Variants in FAM81A observed in about 807,000 individuals in gnomAD.
FAM81A encodes protein FAM81A.
A neutral mutation model predicts 46.7 loss-of-function variants in FAM81A; 19 were observed. The observed-to-expected ratio is 0.41, with a 90% CI of 0.28 to 0.60. The LOEUF (loss-of-function observed/expected upper bound fraction) is 0.60, where lower values mean the gene tolerates loss of function less well. Among genes scored for constraint, FAM81A ranks in the 20% least tolerant of loss-of-function variants. The probability of loss-of-function intolerance (pLI) is 0.34; values close to 1 mark genes in which losing one functional copy is unlikely to be tolerated. For synonymous variants in FAM81A, 183 were observed against 152.9 expected, an observed-to-expected ratio of 1.20 and a Z score of -1.45; for missense variants, 377 against 453.5, an observed-to-expected ratio of 0.83 and a Z score of 1.53.
chr15:59,430,721 A>G (rs1231495818), intron 2 of FAM81A, among the ~76,000 whole-genome samples: 3 of 152,196 alleles, frequency 2.0e-5, no homozygotes, highest in Non-Finnish European at 4.4e-5. Flanking sequence ...CCCCAAAATG[A>G]TGCAGGAGAT....
intron 2 of FAM81A, among the ~76,000 whole-genome samples, chr15:59,421,595 T>C (rs1292025580): frequency 6.6e-6 from 1 of 152,230 alleles, no homozygotes; most frequent in Non-Finnish European, 1.5e-5. Flanking sequence ...CGTTGCTGCC[T>C]GGCTATACCT....
At position 59,460,377 on chromosome 15, in the gene FAM81A, T is replaced by C. The variant is rs1488572049; in HGVS notation, c.294+171T>C. 1.5e-5 allele frequency: 13 copies of C among 859,322 alleles called. No individual in the cohort carries two copies. The highest frequency in any genetic ancestry group is 3.8e-5 in the Admixed American group (2 of 52,560). The allele number at this position is 859,322 out of a possible 1,614,324, so 53.2% of individuals were successfully genotyped here. On this transcript the variant is annotated intron_variant, in intron 3 of 8. Coordinates refer to ENST00000288228, the MANE Select transcript of FAM81A (RefSeq NM_152450.3). This position sits in a 1 kb window ranked among gnomAD's most constrained non-coding sequence, Gnocchi z 4.4. ...AAGGAGACAGCTTGCAGAAATATCC[T>C]AATTAAATTTATTCCAGTGTTTGAT...
upstream of FAM81A, chr15:59,438,026 G>A (rs552599753): frequency 2.7e-5 from 4 of 150,740 alleles, no homozygotes; most frequent in Non-Finnish European, 5.9e-5. Context: ...CCTCCAGCTC[G>A]GGCTGCCACG....
intron 3 of FAM81A, among the ~76,000 whole-genome samples, chr15:59,491,839 G>T (rs1646912555): frequency 6.6e-6 from 1 of 152,124 alleles, no homozygotes; most frequent in Non-Finnish European, 1.5e-5. Context: ...GATGGCACAT[G>T]CCTGTAATCC....
rs2081539359 is a variant in FAM81A at position 59,460,521 on chromosome 15, A to T, written c.294+315A>T. The T allele has an allele frequency of 2.4e-6, 1 of 417,668 alleles. No homozygotes were observed. Among genetic ancestry groups the T allele is most frequent in the South Asian group, 2.1e-5 (1 of 47,342 alleles). The allele number at this position is 417,668 out of a possible 1,614,324, so 25.9% of individuals were successfully genotyped here. A position where few individuals can be genotyped will look rare whatever the true frequency, so the allele number is the denominator to read the frequency against. On this transcript the variant is annotated intron_variant, in intron 3 of 8. Transcript: ENST00000288228. The surrounding 1 kb of genome is among the most constrained non-coding windows in gnomAD (Gnocchi z 4.4). ...AACTAGTCGAATAGTTTCACTCTAT[A>T]ATCTTTCATATCTTTGAAGACAGCT...
chr15:59,502,349 G>A (rs1393583836), intron 4 of FAM81A, among the ~76,000 whole-genome samples: 1 of 151,466 alleles, frequency 6.6e-6, no homozygotes, highest in Non-Finnish European at 1.5e-5. Context: ...CCCAACAACA[G>A]TCCCCAGAGT....
intron 4 of FAM81A, among the ~76,000 whole-genome samples, chr15:59,496,295 C>T (rs888875110): frequency 3.3e-5 from 5 of 152,162 alleles, no homozygotes; most frequent in African/African-American, 1.2e-4. Context: ...ATCAAATGGT[C>T]TTGGCACCCT....
At position 59,522,834 on chromosome 15, in the gene FAM81A, G is replaced by A. The variant is rs1490633568; in HGVS notation, c.*1456G>A. On this transcript the variant is annotated 3_prime_UTR_variant, in exon 9 of 9. Transcript: ENST00000288228. ...ACTGTTTACCCATATAAAATATGCT[G>A]CTAAAGTACATATTTTGCTGTCAAT... 6.6e-6 allele frequency: 1 copy of A among 152,482 alleles called. No homozygotes were observed. The highest frequency in any genetic ancestry group is 2.4e-5 in the African/African-American group (1 of 41,380). The allele number at this position is 152,482 out of a possible 1,614,324, so 9.4% of individuals were successfully genotyped here.
chr15:59,451,113 T>C (rs377525541), intron 1 of FAM81A, among the ~76,000 whole-genome samples: 1 of 152,220 alleles, frequency 6.6e-6, no homozygotes, highest in East Asian at 1.9e-4. Context: ...GTGTCATGGG[T>C]TTAGATCAGC....
upstream of FAM81A, among the ~76,000 whole-genome samples, chr15:59,436,754 G>A (rs1020663339): frequency 3.9e-5 from 6 of 151,964 alleles, no homozygotes; most frequent in Admixed American, 1.3e-4. Context: ...GAATCTAACC[G>A]AGAAAGGAAA....
chr15:59,468,069 T>C (rs1177286963), intron 3 of FAM81A, among the ~76,000 whole-genome samples: 1 of 152,178 alleles, frequency 6.6e-6, no homozygotes, highest in Non-Finnish European at 1.5e-5. Context: ...CAACTTGATC[T>C]TGGTGGATAA....
chr15:59,481,442 A>G (rs1347568594), intron 3 of FAM81A, among the ~76,000 whole-genome samples: 1 of 151,904 alleles, frequency 6.6e-6, no homozygotes, highest in African/African-American at 2.4e-5. Context: ...TGGACATACA[A>G]AAAAAAAGAA....
At chr15:59,450,105 T>TTTC (rs1555428478) in intron 1 of FAM81A, among the ~76,000 whole-genome samples, 5 of 138,002 alleles carry the variant, frequency 3.6e-5, no homozygotes, top group South Asian at 2.2e-4. Context: ...CTTTCTTTCT[T>TTTC]TTTTTTTTTT....
At chr15:59,434,381 T>A (rs1281054000), upstream of FAM81A, among the ~76,000 whole-genome samples, 1 of 152,128 alleles carries the variant, frequency 6.6e-6, no homozygotes, top group Non-Finnish European at 1.5e-5. Context: ...CTGCCGAACT[T>A]CTCTAAAGAG....
At chr15:59,456,774 C>G (rs1265460806) in intron 1 of FAM81A, among the ~76,000 whole-genome samples, 1 of 152,084 alleles carries the variant, frequency 6.6e-6, no homozygotes, top group Non-Finnish European at 1.5e-5. Context: ...TGGGATTTCG[C>G]CATGTTGCCC....
chr15:59,474,253 T>C (rs2081737389), intron 3 of FAM81A, among the ~76,000 whole-genome samples: 1 of 152,200 alleles, frequency 6.6e-6, no homozygotes, highest in South Asian at 2.1e-4. Context: ...ATGCGGTGAA[T>C]GCTGTCATAG....
chr15:59,487,773 G>A (rs2081936114), intron 3 of FAM81A, among the ~76,000 whole-genome samples: 1 of 152,040 alleles, frequency 6.6e-6, no homozygotes, highest in Non-Finnish European at 1.5e-5. Context: ...AAACCTCCTA[G>A]CAAAGAAAAG....
chr15:59,475,758 A>C (rs1382911908), intron 3 of FAM81A, among the ~76,000 whole-genome samples: 4 of 152,246 alleles, frequency 2.6e-5, no homozygotes, highest in African/African-American at 9.6e-5. Flanking sequence ...AGGAAGTTTA[A>C]AAATTTAAGA....
At chr15:59,485,486 A>G (rs1392406862) in intron 3 of FAM81A, among the ~76,000 whole-genome samples, 1 of 152,224 alleles carries the variant, frequency 6.6e-6, no homozygotes, top group Non-Finnish European at 1.5e-5. Flanking sequence ...TAATCCAGAG[A>G]AATCTTCTGG....
Sources: gnomAD v4.1 joint callset for allele counts (sites outside exome capture counted in the v4.1 genomes callset) on GRCh38, gnomAD v4.1.1 for gene constraint, Gnocchi (gnomAD v3.1) non-coding constraint, MANE v1.5 for transcripts, NCBI Gene and HGNC (gene_info 2026-07-23, HGNC 2026-07-21) for gene names.